The following MYH15 variants were observed in gnomAD, a reference collection of about 807,000 sequenced individuals.
The protein encoded by MYH15 is myosin heavy chain 15.
In MYH15, 227 loss-of-function variants were observed where a neutral mutation model predicts 240.5. The ratio of observed to expected loss-of-function variants is 0.94; its 90% CI spans 0.85 to 1.05. MYH15 has a LOEUF of 1.05. Ranked by LOEUF, MYH15 falls within the 50% of genes least tolerant of loss-of-function variation. The pLI is 0.00. For missense variants in MYH15, 2,217 were observed against 2,247.5 expected (o/e 0.99, Z 0.27); for synonymous variants, 785 against 796.7 (o/e 0.99, Z 0.25).
intron 21 of MYH15, 23 bp from the exon 22 acceptor site, chr3:108,444,918 A>C (rs2082915189): frequency 1.3e-6 from 2 of 1,585,504 alleles, no homozygotes; most frequent in South Asian, 2.3e-5. Context: ...AGAAAAAAGA[A>C]AAGCAAGTTA....
chr3:108,545,914 T>A, the MYH15 span, among the ~76,000 whole-genome samples: 1 of 152,170 alleles, frequency 6.6e-6, no homozygotes, highest in Non-Finnish European at 1.5e-5. Flanking sequence ...CTGTATAAAT[T>A]GTTTCCAATT....
intron 3 of MYH15, among the ~76,000 whole-genome samples, chr3:108,500,893 A>C (rs2083431686): frequency 6.6e-6 from 1 of 152,230 alleles, no homozygotes; most frequent in Non-Finnish European, 1.5e-5. Flanking sequence ...ATGCAGGCAG[A>C]GACTGGAGTG....
At chr3:108,471,893 G>A (rs1039994196) in intron 12 of MYH15, among the ~76,000 whole-genome samples, 2 of 152,194 alleles carry the variant, frequency 1.3e-5, no homozygotes, top group Non-Finnish European at 2.9e-5. Context: ...CCCTTGTTCT[G>A]CCACTGCTGT....
At chr3:108,472,988 T>C (rs1030378033) in intron 12 of MYH15, among the ~76,000 whole-genome samples, 1 of 152,016 alleles carries the variant, frequency 6.6e-6, no homozygotes, top group African/African-American at 2.4e-5. Flanking sequence ...AGAAAAAAAA[T>C]AACAAAGTCA....
chr3:108,386,194 T>C (rs756521458), intron 38 of MYH15, among the ~76,000 whole-genome samples: 6 of 152,184 alleles, frequency 3.9e-5, no homozygotes, highest in Non-Finnish European at 8.8e-5. Context: ...AGTAAATTGG[T>C]CATAAAGGAG....
chr3:108,533,592 G>A (rs943694327), upstream of MYH15, among the ~76,000 whole-genome samples: 13 of 152,156 alleles, frequency 8.5e-5, no homozygotes, highest in Admixed American at 2.6e-4. Flanking sequence ...GCAAGCAAAA[G>A]GTTTCAAAGT....
Position 108,384,773 on chromosome 3 carries a change from C to G in MYH15, c.5545G>C (p.Asp1849His), listed in dbSNP as rs1263272406. ...IKELTYQAEE[D>H]KKNLSRMQTQ... ...TGCATCCTGCTCAGATTCTTCTTGT[C>G]TTCCTCTGCCTGCAATACATAGGCA... Residue 1849 changes from aspartate to histidine, a missense_variant, in exon 39 of 41, where the codon GAC (aspartate) becomes CAC (histidine). Transcript: ENST00000693548. 6.2e-7 allele frequency: 1 copy of G among 1,613,616 alleles called. No homozygotes were observed. Among genetic ancestry groups the G allele is most frequent in the East Asian group, 2.2e-5 (1 of 44,880 alleles).
intron 15 of MYH15, among the ~76,000 whole-genome samples, chr3:108,463,985 G>T (rs1476454991): frequency 6.6e-6 from 1 of 151,978 alleles, no homozygotes. Context: ...CAATTGCAAT[G>T]GTATTTTACT....
In MYH15 at chr3:108,495,832, A is replaced by C. The variant is rs772489004; in HGVS notation, c.659T>G (p.Leu220Trp). 1.9e-6 allele frequency: 3 copies of C among 1,612,840 alleles called. No homozygotes were observed. Among genetic ancestry groups the C allele is most frequent in the Admixed American group, 3.3e-5 (2 of 59,790 alleles). The change falls in exon 7 of 41, where the codon TTG becomes TGG. Residue 220 changes from leucine to tryptophan, a missense_variant. Physicochemically the swap from Leu to Trp is moderately conservative, Grantham distance 61. Coordinates refer to ENST00000693548, the MANE Select transcript of MYH15 (RefSeq NM_014981.3). ...GGTTTTAGCATTTCCAAATGCTTCC[A>C]AGATAGTATTCGCTTGCATGATTTG... The part of the protein sequence containing the change: ...EDQIMQANTI[L>W]EAFGNAKTLR...
Position 108,485,009 on chromosome 3 carries a change from T to C in MYH15, c.1114+82A>G. ...CTATTGATTAATTTTAAGTAAGAGATGAAGTTAACTGCAAGGTAAAGGGGA... is the reference window on the plus strand; with the variant it reads ...CTATTGATTAATTTTAAGTAAGAGACGAAGTTAACTGCAAGGTAAAGGGGA... On this transcript the variant is annotated intron_variant, in intron 11 of 40. Coordinates refer to ENST00000693548, the MANE Select transcript of MYH15 (RefSeq NM_014981.3). 2.1e-6 allele frequency: 3 copies of C among 1,422,504 alleles called. No individual in the cohort carries two copies. In the South Asian group the frequency reaches 4.1e-5, roughly 20 times the overall value. 88.1% of individuals were successfully genotyped at this position (1,422,504 alleles called of 1,614,324 possible).
intron 38 of MYH15, 134 bp from the exon 39 acceptor site, chr3:108,384,916 G>A (rs1032445958): frequency 4.2e-6 from 3 of 717,618 alleles, no homozygotes; most frequent in East Asian, 2.8e-5. Context: ...TTAACAATGG[G>A]TTTAACTCAC....
the MYH15 span, among the ~76,000 whole-genome samples, chr3:108,534,693 A>G: frequency 2.1e-5 from 3 of 141,968 alleles, no homozygotes; most frequent in African/African-American, 7.5e-5. Flanking sequence ...TAGTGGGATC[A>G]CATCTCTAAA....
intron 22 of MYH15, among the ~76,000 whole-genome samples, chr3:108,441,985 G>C (rs79310769): frequency 1.3e-5 from 2 of 152,298 alleles, no homozygotes; most frequent in Admixed American, 6.5e-5. Flanking sequence ...AAGCAAAGGG[G>C]CTTTTTACTA....
intron 1 of MYH15, among the ~76,000 whole-genome samples, chr3:108,526,431 C>T (rs2083671604): frequency 6.6e-6 from 1 of 152,118 alleles, no homozygotes; most frequent in South Asian, 2.1e-4. Flanking sequence ...GGATAATGCT[C>T]TCTGATCTAT....
At chr3:108,428,463 G>A (rs2107559964) in intron 27 of MYH15, 29 bp downstream of exon 27, 1 of 1,572,000 alleles carries the variant, frequency 6.4e-7, no homozygotes, top group South Asian at 1.2e-5. Context: ...ATGTTCAGAA[G>A]ACCACGAGGA....
the MYH15 span, among the ~76,000 whole-genome samples, chr3:108,546,765 T>C: frequency 1.3e-5 from 2 of 152,204 alleles, no homozygotes; most frequent in East Asian, 1.9e-4. Flanking sequence ...TACCTCTTAT[T>C]CATGGTTATG....
intron 28 of MYH15, among the ~76,000 whole-genome samples, 162 bp downstream of exon 28, chr3:108,420,926 A>G (rs1432479739): frequency 6.6e-6 from 1 of 152,118 alleles, no homozygotes; most frequent in Non-Finnish European, 1.5e-5. Flanking sequence ...CTTCCTAGAC[A>G]AGAGGCATGT....
At chr3:108,485,613 T>A (rs1362326949) in intron 10 of MYH15, among the ~76,000 whole-genome samples, 1 of 152,180 alleles carries the variant, frequency 6.6e-6, no homozygotes, top group East Asian at 1.9e-4. Context: ...CCACAGGTTC[T>A]GACTTTATTC....
intron 1 of MYH15, among the ~76,000 whole-genome samples, chr3:108,521,197 C>T (rs2083615529): frequency 6.6e-6 from 1 of 151,968 alleles, no homozygotes; most frequent in African/African-American, 2.4e-5. Context: ...CCTCTTTCAA[C>T]ATTGAGAAAA....
Sources: allele counts gnomAD v4.1 joint callset (sites outside exome capture counted in the v4.1 genomes callset), GRCh38; gene constraint gnomAD v4.1.1; transcripts MANE v1.5; gene names NCBI Gene and HGNC (gene_info 2026-07-23, HGNC 2026-07-21).